TLL2: variants seen among roughly 807,000 people sequenced by gnomAD.
The protein encoded by TLL2 is tolloid like 2.
TLL2 carries 106 observed loss-of-function variants against 123.0 expected under a neutral mutation model. The ratio of observed to expected loss-of-function variants is 0.86; its 90% confidence interval spans 0.74 to 1.01. The LOEUF (loss-of-function observed/expected upper bound fraction) is 1.01, where lower values mean the gene tolerates loss of function less well. TLL2 is among the 50% of genes least tolerant of loss of function. The pLI is 0.00. For synonymous variants in TLL2, 494 were observed against 516.8 expected, an observed-to-expected ratio of 0.96 and a Z score of 0.60; for missense variants, 1,332 against 1,336.7, an observed-to-expected ratio of 1.00 and a Z score of 0.06.
intron 16 of TLL2, among the ~76,000 whole-genome samples, chr10:96,383,372 C>T (rs560553976): frequency 2.6e-5 from 4 of 152,298 alleles, no homozygotes; most frequent in Admixed American, 6.5e-5. Context: ...ATAATTCCCA[C>T]GTGTTGTGGG....
At chr10:96,379,286 C>T (rs1445303542) in intron 16 of TLL2, among the ~76,000 whole-genome samples, 194 bp from the exon 17 acceptor site, 2 of 152,098 alleles carry the variant, frequency 1.3e-5, no homozygotes, top group Non-Finnish European at 2.9e-5. Context: ...ATGTACTTGG[C>T]CCTGGTATGT....
chr10:96,405,139 G>A, intron 10 of TLL2, 93 bp downstream of exon 10: 2 of 1,178,246 alleles, frequency 1.7e-6, no homozygotes, highest in Non-Finnish European at 2.5e-6. Context: ...AGAGTTTCCT[G>A]TGACCGCTGT....
At chr10:96,497,750 G>A (rs960707680) in intron 1 of TLL2, among the ~76,000 whole-genome samples, 32 of 152,194 alleles carry the variant, frequency 2.1e-4, no homozygotes, top group African/African-American at 7.7e-4. Flanking sequence ...GCCCCTTCGT[G>A]AAGGTCTCTT....
At chr10:96,445,155 C>T (rs11188756) in intron 3 of TLL2, among the ~76,000 whole-genome samples, 2 of 152,142 alleles carry the variant, frequency 1.3e-5, no homozygotes, top group African/African-American at 2.4e-5. Flanking sequence ...CACCACTGCA[C>T]TCCAGCCTGG....
intron 13 of TLL2, among the ~76,000 whole-genome samples, chr10:96,389,385 A>G (rs1212247299): frequency 6.6e-6 from 1 of 152,226 alleles, no homozygotes; most frequent in African/African-American, 2.4e-5. Flanking sequence ...GAGAGGCACA[A>G]TGATGGGGCA....
intron 2 of TLL2, among the ~76,000 whole-genome samples, chr10:96,476,240 A>ATATATTCTTTTTTTT: frequency 9.8e-5 from 2 of 20,502 alleles, no homozygotes; most frequent in African/African-American, 3.5e-4. Context: ...ATATATATAT[A>ATATATTCTTTTTTTT]TTTTATTTTT....
intron 16 of TLL2, among the ~76,000 whole-genome samples, chr10:96,384,026 A>G (rs1212712049): frequency 6.6e-6 from 1 of 152,216 alleles, no homozygotes; most frequent in Non-Finnish European, 1.5e-5. Context: ...TTACTTGGAA[A>G]TAGTGTCTCT....
At chr10:96,382,964 C>T (rs1156881009) in intron 16 of TLL2, among the ~76,000 whole-genome samples, 1 of 151,324 alleles carries the variant, frequency 6.6e-6, no homozygotes, top group Non-Finnish European at 1.5e-5. Flanking sequence ...GTAGGAGTTT[C>T]CTAAGGAGGG....
rs1345830604 is a variant in TLL2 at position 96,469,589 on chromosome 10, G to C, written c.286+10760C>G. 2.6e-5 allele frequency among the ~76,000 whole-genome samples: 4 copies of C among 152,054 alleles called. No homozygotes were observed. The East Asian group carries it at 5.8e-4, about 22-fold the overall frequency. On this transcript the variant is annotated intron_variant, in intron 2 of 20. Coordinates refer to ENST00000357947, the MANE Select transcript of TLL2 (RefSeq NM_012465.4). ...CACCTGGGGCCTTCCCCGTAGGTGT[G>C]GGGGAAGCCTGCCATGAGAGGGCAG...
In TLL2 at chr10:96,423,128, C is replaced by CA. The variant is rs10577803; in HGVS notation, c.639-402dup. Among the ~76,000 whole-genome samples, 776 of 119,884 alleles carry CA rather than the reference C, an allele frequency of 6.5e-3. 14 individuals carry two copies. Among genetic ancestry groups the CA allele is most frequent in the African/African-American group, 0.023 (728 of 32,070 alleles). The allele number at this position is 119,884 out of a possible 152,430, so 78.6% of individuals were successfully genotyped here. ...AGATAACAAGAGTGAAACACCGTCT[C>CA]AAAAAAAAAAAAAAAAAAGAAAAGA... On this transcript the variant is annotated intron_variant, in intron 5 of 20. Coordinates refer to ENST00000357947, the MANE Select transcript of TLL2 (RefSeq NM_012465.4).
intron 1 of TLL2, among the ~76,000 whole-genome samples, chr10:96,503,342 G>A (rs944361518): frequency 6.6e-6 from 1 of 152,120 alleles, no homozygotes; most frequent in Admixed American, 6.5e-5. Flanking sequence ...TAAACACTTC[G>A]TGTTCACTGC....
intron 2 of TLL2, among the ~76,000 whole-genome samples, chr10:96,459,669 CAAAAAAAAAA>C (rs1165594084): frequency 2.5e-3 from 61 of 24,394 alleles, no homozygotes; most frequent in South Asian, 0.012. Context: ...GATCCTGTTT[CAAAAAAAAAA>C]AAAAAAAAAA....
At position 96,405,254 on chromosome 10, in the gene TLL2, G is replaced by A. The variant is rs1247916726; in HGVS notation, c.1245C>T (p.Tyr415=). The A allele has an allele frequency of 2.5e-6, 4 of 1,614,008 alleles. No homozygotes were observed. In the Admixed American group the frequency reaches 5.0e-5, roughly 20 times the overall value. The change falls in exon 10 of 21, where the codon TAC becomes TAT. Residue 415 remains tyrosine, a synonymous_variant. Coordinates refer to ENST00000357947, the MANE Select transcript of TLL2 (RefSeq NM_012465.4). ...WYDYVEVRDG[Y]WRKAPLLGRF... ...TACCCAAAAGGGGGGCTTTTCTCCA[G>A]TAACCATCCCGGACCTCCACGTAAT...
Position 96,491,800 on chromosome 10 carries a change from G to A in TLL2, c.176-11341C>T, listed in dbSNP as rs149932147. 1.8e-3 allele frequency among the ~76,000 whole-genome samples: 272 copies of A among 152,312 alleles called. 2 individuals are homozygous for A. In the Middle Eastern group the frequency reaches 0.024, roughly 13 times the overall value. ...ATTTCCCTGTGTAAATGCTCCCACT[G>A]TGGCTGATTTCAGGTCACTGAACAT... On this transcript the variant is annotated intron_variant, in intron 1 of 20. Coordinates refer to ENST00000357947, the MANE Select transcript of TLL2 (RefSeq NM_012465.4).
intron 9 of TLL2, 143 bp downstream of exon 9, chr10:96,410,216 T>A (rs780587914): frequency 7.9e-6 from 5 of 633,822 alleles, no homozygotes; most frequent in African/African-American, 1.8e-5. Context: ...ATAATGAACG[T>A]ACAGCAAACA....
rs769636109 is a variant in TLL2, at chr10:96,378,999, C to CA, written c.2287dup (p.Trp763LeufsTer8). On this transcript the variant is annotated frameshift_variant, in exon 17 of 21. Coordinates refer to ENST00000357947, the MANE Select transcript of TLL2 (RefSeq NM_012465.4). LOFTEE classifies it high-confidence loss of function. Reference sequence around the variant, plus strand: ...GCAGTCATGCCCATTCTCGTGGAGCCAGTAGCCGTTTCTGCACCTGCACAG... The same window carrying CA: ...GCAGTCATGCCCATTCTCGTGGAGCCAAGTAGCCGTTTCTGCACCTGCACAG... The CA allele has an allele frequency of 1.2e-6, 2 of 1,614,224 alleles. No homozygotes were observed. Among genetic ancestry groups the CA allele is most frequent in the East Asian group, 2.2e-5 (1 of 44,888 alleles).
chr10:96,447,463 CA>C (rs1159926461), intron 2 of TLL2, among the ~76,000 whole-genome samples: 1 of 152,110 alleles, frequency 6.6e-6, no homozygotes, highest in African/African-American at 2.4e-5. Flanking sequence ...TGGTGTGGAC[CA>C]GACACTGCAG....
At position 96,483,086 on chromosome 10, in the gene TLL2, G is replaced by A. The variant is rs116210235; in HGVS notation, c.176-2627C>T. On this transcript the variant is annotated intron_variant, in intron 1 of 20. Coordinates refer to ENST00000357947, the MANE Select transcript of TLL2 (RefSeq NM_012465.4). ...AAGATGATTAATGTTGTAGAAAAGC[G>A]TAGGACCAAAAAAAGTCATTAGCAT... Among the ~76,000 whole-genome samples, 782 of 152,276 alleles carry A rather than the reference G, an allele frequency of 5.1e-3. 9 individuals carry two copies. The highest frequency in any genetic ancestry group is 0.017 in the African/African-American group (704 of 41,540).
At chr10:96,422,206 C>A (rs1213529797) in intron 6 of TLL2, among the ~76,000 whole-genome samples, 1 of 149,038 alleles carries the variant, frequency 6.7e-6, no homozygotes, top group Non-Finnish European at 1.5e-5. Context: ...GCCAGGAGAA[C>A]TCTTTTTTTT....
Sources: allele counts gnomAD v4.1 joint callset (sites outside exome capture counted in the v4.1 genomes callset), GRCh38; gene constraint gnomAD v4.1.1; transcripts MANE v1.5; gene names NCBI Gene and HGNC (gene_info 2026-07-23, HGNC 2026-07-21).